ZBTB10: variants seen among roughly 807,000 people sequenced by gnomAD.
ZBTB10 encodes the protein zinc finger and BTB domain containing 10, also known as zinc finger and BTB domain-containing protein 10.
In ZBTB10, 32 loss-of-function variants were observed where a neutral mutation model predicts 76.4. The ratio of observed to expected loss-of-function variants is 0.42; its 90% CI spans 0.32 to 0.56. The LOEUF (loss-of-function observed/expected upper bound fraction) is 0.56, where lower values mean the gene tolerates loss of function less well. Among genes scored for constraint, ZBTB10 ranks in the 20% least tolerant of loss-of-function variants. The pLI is 0.14. For missense variants in ZBTB10, 1,057 were observed against 1,098.5 expected (o/e 0.96, Z 0.53); for synonymous variants, 523 against 432.9 (o/e 1.21, Z -2.58).
chr8:80,503,826 G>C (rs1182348840), intron 2 of ZBTB10, among the ~76,000 whole-genome samples: 1 of 152,136 alleles, frequency 6.6e-6, no homozygotes, highest in Non-Finnish European at 1.5e-5. Flanking sequence ...GCTCTGCCTG[G>C]AATAGTATAA....
intron 2 of ZBTB10, among the ~76,000 whole-genome samples, chr8:80,509,886 G>A (rs187340603): frequency 1.3e-5 from 2 of 152,154 alleles, no homozygotes; most frequent in Admixed American, 6.5e-5. Flanking sequence ...GGGCTCAAGC[G>A]ATCCTCCTAC....
At chr8:80,518,263 TA>T in intron 3 of ZBTB10, 139 bp from the exon 4 acceptor site, 1 of 815,996 alleles carries the variant, frequency 1.2e-6, no homozygotes, top group Non-Finnish European at 1.8e-6. Flanking sequence ...AATTTTAGAC[TA>T]AAATACAGTT....
In ZBTB10 at chr8:80,500,186, A is replaced by T; in HGVS notation, c.1665A>T (p.Thr555=). Residue 555 remains threonine (T), a synonymous_variant, in exon 2 of 6, where the codon ACA becomes ACT. Transcript: ENST00000455036. ...EMAENESEGQ[T]KVFIWNNMGS... Reference sequence around the variant, plus strand: ...CTGAAAATGAATCTGAAGGTCAAACAAAAGTGTTTATTTGGAATAATATGG... The same window carrying T: ...CTGAAAATGAATCTGAAGGTCAAACTAAAGTGTTTATTTGGAATAATATGG... The T allele has an allele frequency of 6.2e-7, 1 of 1,608,640 alleles. No individual in the cohort carries two copies. Among genetic ancestry groups the T allele is most frequent in the Non-Finnish European group, 8.5e-7 (1 of 1,176,986 alleles).
chr8:80,502,688 T>C (rs369480109), intron 2 of ZBTB10, among the ~76,000 whole-genome samples: 5 of 151,580 alleles, frequency 3.3e-5, no homozygotes, highest in Admixed American at 6.6e-5. Context: ...GTATATAATA[T>C]GATATAGAAC....
chr8:80,518,420 A>G lies in ZBTB10; in HGVS notation c.1978A>G (p.Lys660Glu), dbSNP rs552356923. 1.9e-6 allele frequency: 3 copies of G among 1,551,006 alleles called. No individual in the cohort carries two copies. The highest frequency in any genetic ancestry group is 2.6e-6 in the Non-Finnish European group (3 of 1,147,218). ...TGTACTAGGTACTTCACATGATTTC[A>G]AGTATGGTTTGATGCCTGGTCCTTC... Reference protein sequence around the residue: ...GGDAGTSHDFKYGLMPGPSND... With the variant: ...GGDAGTSHDFEYGLMPGPSND... Residue 660 changes from lysine (K) to glutamate (E), a missense_variant, in exon 4 of 6, where the codon AAG (lysine) becomes GAG (glutamate). This residue lies in a region of ZBTB10 where 306 missense variants were observed against 297.5 expected (regional missense o/e 1.03). Coordinates refer to ENST00000455036, the MANE Select transcript of ZBTB10 (RefSeq NM_001105539.3).
intron 2 of ZBTB10, among the ~76,000 whole-genome samples, chr8:80,511,793 CTT>C (rs137909619): frequency 1.5e-3 from 234 of 152,202 alleles, no homozygotes; most frequent in Non-Finnish European, 2.8e-3. Flanking sequence ...TAAAACTAAA[CTT>C]TGTTTAGTGA....
chr8:80,486,001 C>T, upstream of ZBTB10: 1 of 1,139,632 alleles, frequency 8.8e-7, no homozygotes, highest in Non-Finnish European at 1.2e-6. Context: ...CAGCCCGCCG[C>T]CCGGCCTTTT....
At chr8:80,512,740 AAAAG>A (rs1228230456) in intron 2 of ZBTB10, among the ~76,000 whole-genome samples, 1 of 152,194 alleles carries the variant, frequency 6.6e-6, no homozygotes, top group African/African-American at 2.4e-5. Flanking sequence ...AGTTTCTTAA[AAAAG>A]AAAAAAATCA....
At chr8:80,512,814 G>A (rs760383166) in intron 2 of ZBTB10, among the ~76,000 whole-genome samples, 18 of 152,196 alleles carry the variant, frequency 1.2e-4, no homozygotes, top group Non-Finnish European at 2.4e-4. Context: ...AAGATTGTCA[G>A]TATTTTTTCT....
At chr8:80,517,514 TAGAA>T (rs1373789293) in intron 3 of ZBTB10, among the ~76,000 whole-genome samples, 6 of 152,198 alleles carry the variant, frequency 3.9e-5, no homozygotes, top group Non-Finnish European at 7.3e-5. Flanking sequence ...AGGATGGAGT[TAGAA>T]AGAAATTTCA....
intron 1 of ZBTB10, among the ~76,000 whole-genome samples, chr8:80,490,127 G>A (rs1040542426): frequency 6.6e-6 from 1 of 152,174 alleles, no homozygotes; most frequent in African/African-American, 2.4e-5. Flanking sequence ...TTGGGCTTAA[G>A]GTCAGAGGAC....
chr8:80,500,394 CTA>C lies in ZBTB10; in HGVS notation c.1861+15_1861+16del. 6.5e-7 allele frequency: 1 copy of C among 1,528,556 alleles called. No homozygotes were observed. The highest frequency in any genetic ancestry group is 8.8e-7 in the Non-Finnish European group (1 of 1,141,054). 94.7% of individuals were successfully genotyped at this position (1,528,556 alleles called of 1,614,324 possible). ...CAAGGAAGAACCAGGTAAATATTAT[CTA>C]TACAAGGATACTTCCTTGTTCATCC... On this transcript the variant is annotated intron_variant, in intron 2 of 5. Transcript: ENST00000455036.
At chr8:80,513,411 G>A (rs1373862506) in intron 2 of ZBTB10, among the ~76,000 whole-genome samples, 1 of 152,170 alleles carries the variant, frequency 6.6e-6, no homozygotes, top group African/African-American at 2.4e-5. Flanking sequence ...CTAAAGTGCT[G>A]GGATTATAGG....
chr8:80,488,366 T>C (rs1815537882), intron 1 of ZBTB10, among the ~76,000 whole-genome samples: 1 of 152,272 alleles, frequency 6.6e-6, no homozygotes, highest in African/African-American at 2.4e-5. Context: ...TGAATAATTT[T>C]ACTAAATTAA....
At chr8:80,509,432 A>G (rs1306505532) in intron 2 of ZBTB10, among the ~76,000 whole-genome samples, 1 of 152,138 alleles carries the variant, frequency 6.6e-6, no homozygotes, top group African/African-American at 2.4e-5. Context: ...GCACTTGCCT[A>G]ATGGTTGGAA....
chr8:80,487,252 TG>T lies in ZBTB10; in HGVS notation c.444del (p.Trp148CysfsTer3). ...CCGCGGCCGCCCCGAGACCTCGGTG[TG>T]GCCCTTGAGGCATTTCAATGGGCGA... ...SSRGRPETSV[W>X]PLRHFNGRGP... On this transcript the variant is annotated frameshift_variant, in exon 1 of 6. Transcript: ENST00000455036. LOFTEE classifies it high-confidence loss of function. The T allele has an allele frequency of 1.3e-6, 2 of 1,550,286 alleles. No homozygotes were observed. Among genetic ancestry groups the T allele is most frequent in the Non-Finnish European group, 8.7e-7 (1 of 1,149,494 alleles).
At position 80,487,675 on chromosome 8, in the gene ZBTB10, C is replaced by T. The variant is rs1043388069; in HGVS notation, c.865C>T (p.Pro289Ser). 2.5e-6 allele frequency: 4 copies of T among 1,613,866 alleles called. No homozygotes were observed. In the African/African-American group the frequency reaches 4.0e-5, roughly 16 times the overall value. The change falls in exon 1 of 6, where the codon CCA becomes TCA. Residue 289 changes from proline to serine, a missense_variant. Pro to Ser is a moderately conservative substitution (Grantham distance 74). This residue lies in a region of ZBTB10 where 556 missense variants were observed against 451.7 expected (regional missense o/e 1.23). Transcript: ENST00000455036. ...AGATGGGGGAAGCGTGGACCTTCCCCCAGTGGGGCATGATGAGCTTTCGCG... is the reference window on the plus strand; with the variant it reads ...AGATGGGGGAAGCGTGGACCTTCCCTCAGTGGGGCATGATGAGCTTTCGCG... ...PADGGSVDLP[P>S]VGHDELSRGT...
At chr8:80,494,915 A>C in intron 1 of ZBTB10, among the ~76,000 whole-genome samples, 1 of 127,526 alleles carries the variant, frequency 7.8e-6, no homozygotes, top group African/African-American at 3.7e-5. Context: ...ACAGAGTGAC[A>C]CTGTCTCAAA....
At chr8:80,519,201 G>C (rs780391740) in intron 5 of ZBTB10, 22 bp from the exon 6 acceptor site, 1 of 1,604,800 alleles carries the variant, frequency 6.2e-7, no homozygotes, top group South Asian at 1.1e-5. Flanking sequence ...CCTTATATTG[G>C]ATTTTTTCCC....
Sources: gnomAD v4.1 joint callset for allele counts (sites outside exome capture counted in the v4.1 genomes callset) on GRCh38, gnomAD v4.1.1 for gene constraint, gnomAD v4.1.1 regional missense constraint, MANE v1.5 for transcripts, NCBI Gene and HGNC (gene_info 2026-07-23, HGNC 2026-07-21) for gene names.